NAALADL2: variants seen among roughly 807,000 people sequenced by gnomAD.
NAALADL2 encodes inactive N-acetylated-alpha-linked acidic dipeptidase-like protein 2.
A neutral mutation model predicts 87.2 loss-of-function variants in NAALADL2; 76 were observed. The observed-to-expected ratio is 0.87, with a 90% CI of 0.72 to 1.05. The LOEUF is 1.05. Among genes scored for constraint, NAALADL2 ranks in the 50% least tolerant of loss-of-function variants. The probability of loss-of-function intolerance (pLI) is 0.00; values close to 1 mark genes in which losing one functional copy is unlikely to be tolerated. For synonymous variants in NAALADL2, 354 were observed against 331.0 expected, an observed-to-expected ratio of 1.07 and a Z score of -0.75; for missense variants, 1,089 against 945.8, an observed-to-expected ratio of 1.15 and a Z score of -1.99.
intron 10 of NAALADL2, chr3:175,609,580 T>A (rs1258537389): frequency 6.6e-6 from 1 of 152,172 alleles, no homozygotes; most frequent in African/African-American, 2.4e-5. Context: ...ATAGGCATAT[T>A]TGTGACTGTG....
intron 13 of NAALADL2, chr3:175,774,964 G>A (rs1750017761): frequency 6.6e-6 from 1 of 151,744 alleles, no homozygotes; most frequent in Non-Finnish European, 1.5e-5. Context: ...ACTTTATAGT[G>A]TTTCTGTAGA....
intron 10 of NAALADL2, among the ~76,000 whole-genome samples, chr3:175,589,035 T>A (rs1720986466): frequency 6.6e-6 from 1 of 152,206 alleles, no homozygotes; most frequent in Non-Finnish European, 1.5e-5. Flanking sequence ...CAAAGAAACA[T>A]ATTTAGATAT....
rs1379433512 is a variant in NAALADL2, at chr3:175,804,204, A to AACTT, written c.*1005_*1008dup. 3.3e-5 allele frequency: 5 copies of AACTT among 151,654 alleles called. No homozygotes were observed. Among genetic ancestry groups the AACTT allele is most frequent in the African/African-American group, 7.2e-5 (3 of 41,542 alleles). The allele number at this position is 151,654 out of a possible 1,614,324, so 9.4% of individuals were successfully genotyped here. A position where few individuals can be genotyped will look rare whatever the true frequency, so the allele number is the denominator to read the frequency against. ...TTCTATTTCTGCCTCTGACAAAAAG[A>AACTT]ACTTACTATGAAAGAAATAGTTGTT... On this transcript the variant is annotated 3_prime_UTR_variant, in exon 14 of 14. Coordinates refer to ENST00000454872, the MANE Select transcript of NAALADL2 (RefSeq NM_207015.3).
At chr3:174,660,838 G>A (rs1008620126) in intron 2 of NAALADL2, among the ~76,000 whole-genome samples, 10 of 152,086 alleles carry the variant, frequency 6.6e-5, no homozygotes, top group African/African-American at 1.7e-4. Flanking sequence ...TAAAAGCCAC[G>A]GACCCAGAGT....
chr3:174,947,753 C>T, intron 1 of NAALADL2, among the ~76,000 whole-genome samples: 1 of 151,988 alleles, frequency 6.6e-6, no homozygotes, highest in East Asian at 1.9e-4. Flanking sequence ...CATACTGACA[C>T]ATATACACAC....
rs182253980 is a variant in NAALADL2, at chr3:174,900,243, T to A, written c.43+40793T>A. On this transcript the variant is annotated intron_variant, in intron 1 of 13. Coordinates refer to ENST00000454872, the MANE Select transcript of NAALADL2 (RefSeq NM_207015.3). ...TTTATTATAGATAAAATGGACAAGT[T>A]AGAATCACAAAATTGGGTAGATATA... Among the ~76,000 whole-genome samples the A allele has an allele frequency of 3.0e-3, 464 of 152,138 alleles. 2 individuals are homozygous for A. The highest frequency in any genetic ancestry group is 5.0e-3 in the Non-Finnish European group (343 of 67,928).
rs1054982154 is a variant in NAALADL2, at chr3:174,698,660, C to T, written c.-114-38981C>T. ...CGGGCAGATCACGAGGTCAGGAGAT[C>T]GAGACCATCCCGGCTAAAATGGTGA... On this transcript the variant is annotated intron_variant, in intron 2 of 3. Transcript: ENST00000434257. 8.4e-4 allele frequency among the ~76,000 whole-genome samples: 83 copies of T among 98,448 alleles called. 12 individuals are homozygous for T. The highest frequency in any genetic ancestry group is 3.9e-3 in the Admixed American group (33 of 8,362). The allele number at this position is 98,448 out of a possible 152,430, so 64.6% of individuals were successfully genotyped here. A position where few individuals can be genotyped will look rare whatever the true frequency, so the allele number is the denominator to read the frequency against.
chr3:174,603,851 T>A (rs1718704214), intron 2 of NAALADL2, among the ~76,000 whole-genome samples: 1 of 152,140 alleles, frequency 6.6e-6, no homozygotes, highest in South Asian at 2.1e-4. Context: ...TTATTTAATT[T>A]CCATGTATTT....
intron 11 of NAALADL2, chr3:175,718,227 T>TTTTTTTTTTTTTTAAAA: frequency 2.9e-6 from 3 of 1,037,684 alleles, no homozygotes; most frequent in Non-Finnish European, 2.8e-6. Flanking sequence ...TTTTTTTGAT[T>TTTTTTTTTTTTTTAAAA]AGTTGCTGTA....
At chr3:175,261,227 A>G (rs17533496) in intron 4 of NAALADL2, among the ~76,000 whole-genome samples, 1 of 152,070 alleles carries the variant, frequency 6.6e-6, no homozygotes, top group Non-Finnish European at 1.5e-5. Flanking sequence ...ACACATAGTA[A>G]AACAGATACC....
chr3:175,419,090 G>A (rs1292275952), intron 5 of NAALADL2, among the ~76,000 whole-genome samples: 1 of 151,594 alleles, frequency 6.6e-6, no homozygotes, highest in Admixed American at 6.6e-5. Context: ...CCTGTCAAGT[G>A]TCAGAGCTGG....
At chr3:175,014,673 TTCCATTTATTGCAAATGTTTCAAAG>T (rs1415281411) in intron 1 of NAALADL2, among the ~76,000 whole-genome samples, 2 of 152,192 alleles carry the variant, frequency 1.3e-5, no homozygotes, top group Non-Finnish European at 2.9e-5. Flanking sequence ...ACTCCTTCTA[TTCCATTTATTGCAAATGTTTCAAAG>T]TTACTTGTAT....
intron 3 of NAALADL2, among the ~76,000 whole-genome samples, chr3:175,241,161 C>T (rs1158038019): frequency 1.3e-5 from 2 of 152,156 alleles, no homozygotes; most frequent in Non-Finnish European, 2.9e-5. Flanking sequence ...TTTATGAGCT[C>T]TGTTCACTAA....
chr3:175,109,364 C>G (rs1723792428), intron 2 of NAALADL2, among the ~76,000 whole-genome samples: 1 of 151,650 alleles, frequency 6.6e-6, no homozygotes, highest in Non-Finnish European at 1.5e-5. Flanking sequence ...TTATTGAGGT[C>G]CTAGTGAGTG....
chr3:175,098,476 G>A (rs888111542), intron 2 of NAALADL2, among the ~76,000 whole-genome samples: 1 of 152,128 alleles, frequency 6.6e-6, no homozygotes, highest in Admixed American at 6.6e-5. Context: ...AAGTGATGGG[G>A]CTGGAATGTC....
intron 4 of NAALADL2, among the ~76,000 whole-genome samples, chr3:175,310,909 A>T (rs1581364782): frequency 6.6e-6 from 1 of 152,060 alleles, no homozygotes; most frequent in Non-Finnish European, 1.5e-5. Flanking sequence ...TGTTTGGTTC[A>T]AAAGAAGCAG....
At chr3:174,677,021 C>A (rs539971757) in intron 2 of NAALADL2, among the ~76,000 whole-genome samples, 1 of 151,924 alleles carries the variant, frequency 6.6e-6, no homozygotes, top group South Asian at 2.1e-4. Context: ...AGCTAGCTAT[C>A]CATTCTTTTT....
rs564116540 is a variant in NAALADL2 at position 175,388,101 on chromosome 3, A to G, written c.1091-59128A>G. The stretch of plus-strand genomic sequence containing the variant: ...TGTAACCAAATTTTGAAAGGAAACT[A>G]TGATCTCCTATCCTCCCAGAAAGTC... On this transcript the variant is annotated intron_variant, in intron 5 of 13. Coordinates refer to ENST00000454872, the MANE Select transcript of NAALADL2 (RefSeq NM_207015.3). Among the ~76,000 whole-genome samples the G allele has an allele frequency of 6.8e-4, 104 of 152,216 alleles. 2 individuals are homozygous for G. The South Asian group carries it at 0.02, about 30-fold the overall frequency.
At chr3:174,449,768 T>A (rs1715342733) in intron 1 of NAALADL2, among the ~76,000 whole-genome samples, 1 of 152,196 alleles carries the variant, frequency 6.6e-6, no homozygotes, top group Non-Finnish European at 1.5e-5. Context: ...GTTGAAATTT[T>A]ATACTATAAT....
Sources: allele counts gnomAD v4.1 joint callset (sites outside exome capture counted in the v4.1 genomes callset), GRCh38; gene constraint gnomAD v4.1.1; transcripts MANE v1.5; gene names NCBI Gene and HGNC (gene_info 2026-07-23, HGNC 2026-07-21).